Variants in ANK2 observed in about 807,000 individuals in gnomAD.
ANK2 encodes the protein ankyrin 2.
ANK2 carries 83 observed loss-of-function variants against 360.5 expected under a neutral mutation model. The ratio of observed to expected loss-of-function variants is 0.23; its 90% CI spans 0.19 to 0.28. ANK2 has a LOEUF of 0.28. Among genes scored for constraint, ANK2 ranks in the 10% least tolerant of loss-of-function variants. The pLI is 1.00. For missense variants in ANK2, 4,201 were observed against 4,795.7 expected (o/e 0.88, Z 3.66); for synonymous variants, 1,740 against 1,759.5 (o/e 0.99, Z 0.28).
At chr4:112,725,485 C>G in the ANK2 span, among the ~76,000 whole-genome samples, 2 of 150,506 alleles carry the variant, frequency 1.3e-5, no homozygotes, top group East Asian at 2.0e-4. Context: ...CTCAGCCTCC[C>G]GAGTAGCTGG....
chr4:112,965,647 A>G (rs894426117), intron 2 of ANK2, among the ~76,000 whole-genome samples: 2 of 152,190 alleles, frequency 1.3e-5, no homozygotes, highest in African/African-American at 4.8e-5. Context: ...ATTTTCATAT[A>G]TGGTGAGAGA....
At chr4:113,227,261 T>G (rs905074493) in intron 4 of ANK2, among the ~76,000 whole-genome samples, 23 of 152,152 alleles carry the variant, frequency 1.5e-4, no homozygotes, top group African/African-American at 5.1e-4. Context: ...TTTGTAACAA[T>G]AAACAATGCT....
intron 2 of ANK2, among the ~76,000 whole-genome samples, chr4:112,929,039 G>C (rs139567782): frequency 6.6e-6 from 1 of 151,860 alleles, no homozygotes; most frequent in South Asian, 2.1e-4. Flanking sequence ...TTTTAGTAGA[G>C]ACGGGGTTTC....
intron 2 of ANK2, among the ~76,000 whole-genome samples, chr4:112,951,198 A>G (rs1335970878): frequency 2.0e-5 from 3 of 152,200 alleles, no homozygotes; most frequent in Admixed American, 2.0e-4. Flanking sequence ...GTTGTGTAAC[A>G]AAGTATTGTT....
At chr4:112,976,342 C>T (rs1362815706) in intron 2 of ANK2, among the ~76,000 whole-genome samples, 2 of 152,042 alleles carry the variant, frequency 1.3e-5, no homozygotes, top group East Asian at 3.9e-4. Context: ...TACAGGTGCA[C>T]ACTACCACGA....
At chr4:113,290,177 T>G (rs1168795640) in intron 20 of ANK2, among the ~76,000 whole-genome samples, 2 of 151,926 alleles carry the variant, frequency 1.3e-5, no homozygotes, top group Non-Finnish European at 2.9e-5. Context: ...TTTTGTTTTT[T>G]TTTTTTTAAG....
intron 1 of ANK2, among the ~76,000 whole-genome samples, chr4:113,122,040 A>G (rs893443068): frequency 6.6e-6 from 1 of 152,132 alleles, no homozygotes; most frequent in African/African-American, 2.4e-5. Context: ...GCAAGTTGAG[A>G]GTGGAATGTA....
chr4:113,183,062 G>A (rs967326484), intron 2 of ANK2, among the ~76,000 whole-genome samples: 22 of 152,128 alleles, frequency 1.4e-4, no homozygotes, highest in African/African-American at 2.4e-4. Flanking sequence ...TGCTAGAATC[G>A]TGGATAGTTC....
chr4:112,850,706 C>G (rs1366394825), intron 1 of ANK2, among the ~76,000 whole-genome samples: 1 of 150,624 alleles, frequency 6.6e-6, no homozygotes, highest in African/African-American at 2.4e-5. Flanking sequence ...TTAGTAGAGA[C>G]GGGATTTCAC....
the ANK2 span, among the ~76,000 whole-genome samples, chr4:112,741,121 T>C: frequency 2.0e-5 from 3 of 152,238 alleles, no homozygotes; most frequent in South Asian, 2.1e-4. Flanking sequence ...GGAGCCACCA[T>C]GCCTGGCAAA....
chr4:113,240,714 A>G (rs961170841), intron 8 of ANK2, 131 bp downstream of exon 8: 1 of 772,346 alleles, frequency 1.3e-6, no homozygotes, highest in Non-Finnish European at 2.1e-6. Flanking sequence ...TGGAGATACT[A>G]GATTTTTCAT....
intron 4 of ANK2, among the ~76,000 whole-genome samples, chr4:113,219,407 A>G (rs2099123962): frequency 6.6e-6 from 1 of 151,878 alleles, no homozygotes; most frequent in Admixed American, 6.6e-5. Flanking sequence ...AGGCATTTAT[A>G]TATTATTATA....
Position 113,125,235 on chromosome 4 carries a change from G to C in ANK2, c.85-49181G>C, listed in dbSNP as rs576362528. Among the ~76,000 whole-genome samples the C allele has an allele frequency of 1.1e-4, 17 of 151,984 alleles. 1 individual carries two copies. The East Asian group carries it at 3.3e-3, about 29-fold the overall frequency. ...GGTTTTTCCAAAAGTCTATTTTTTA[G>C]CGAAAAAACTTAATCTCTATGTTAT... On this transcript the variant is annotated intron_variant, in intron 1 of 45. Transcript: ENST00000357077.
chr4:113,153,085 A>G (rs1481824267), intron 1 of ANK2, among the ~76,000 whole-genome samples: 2 of 151,638 alleles, frequency 1.3e-5, no homozygotes, highest in African/African-American at 4.8e-5. Flanking sequence ...TTTAAATTTC[A>G]GTCTTTTTTT....
intron 1 of ANK2, among the ~76,000 whole-genome samples, chr4:113,084,472 T>A (rs889531272): frequency 6.6e-6 from 1 of 152,212 alleles, no homozygotes; most frequent in African/African-American, 2.4e-5. Flanking sequence ...AATCCATAAT[T>A]GAATACATTT....
chr4:113,236,206 C>A (rs985478775), intron 5 of ANK2, among the ~76,000 whole-genome samples: 2 of 151,838 alleles, frequency 1.3e-5, no homozygotes, highest in Admixed American at 6.6e-5. Context: ...TGTCACCTTT[C>A]CAGGAACTGA....
intron 4 of ANK2, among the ~76,000 whole-genome samples, chr4:113,214,634 A>G (rs1343879384): frequency 1.3e-5 from 2 of 152,150 alleles, no homozygotes; most frequent in African/African-American, 4.8e-5. Flanking sequence ...TTCTGTAAAA[A>G]ATTTATTACT....
chr4:112,911,243 C>G (rs2087216774), intron 2 of ANK2, among the ~76,000 whole-genome samples: 1 of 136,304 alleles, frequency 7.3e-6, no homozygotes, highest in African/African-American at 2.8e-5. Context: ...CGCAGTGGCT[C>G]ATGCCTGTAA....
chr4:113,338,415 T>C (rs954510591), intron 31 of ANK2, among the ~76,000 whole-genome samples: 2 of 152,156 alleles, frequency 1.3e-5, no homozygotes, highest in South Asian at 4.1e-4. Flanking sequence ...CCTTGCAATA[T>C]TTATTGAGCT....
Sources: gnomAD v4.1 joint callset for allele counts (sites outside exome capture counted in the v4.1 genomes callset) on GRCh38, gnomAD v4.1.1 for gene constraint, MANE v1.5 for transcripts, NCBI Gene and HGNC (gene_info 2026-07-23, HGNC 2026-07-21) for gene names.